SCAPER: variants seen among roughly 807,000 people sequenced by gnomAD.
SCAPER encodes the protein S-phase cyclin A associated protein in the ER, also known as S phase cyclin A-associated protein in the endoplasmic reticulum.
SCAPER carries 98 observed loss-of-function variants against 182.2 expected under a neutral mutation model. That is an observed-to-expected ratio of 0.54 (90% confidence interval 0.46 to 0.64). SCAPER has a LOEUF of 0.64. Ranked by LOEUF, SCAPER falls within the 30% of genes least tolerant of loss-of-function variation. The pLI, the probability that SCAPER is intolerant of heterozygous loss-of-function variation, is 0.00. For synonymous variants in SCAPER, 605 were observed against 564.6 expected, an observed-to-expected ratio of 1.07 and a Z score of -1.01; for missense variants, 1,432 against 1,690.0, an observed-to-expected ratio of 0.85 and a Z score of 2.68.
intron 2 of SCAPER, among the ~76,000 whole-genome samples, chr15:76,880,896 G>T (rs896808409): frequency 6.6e-6 from 1 of 151,878 alleles, no homozygotes; most frequent in Non-Finnish European, 1.5e-5. Flanking sequence ...CAAAAAAACA[G>T]AAAATAAAAA....
chr15:76,690,658 T>G (rs1057430314), intron 20 of SCAPER, among the ~76,000 whole-genome samples: 1 of 152,084 alleles, frequency 6.6e-6, no homozygotes, highest in African/African-American at 2.4e-5. Context: ...CTAAAATTAT[T>G]CTAAAATAAA....
chr15:76,718,103 T>A (rs1192650720), intron 17 of SCAPER, among the ~76,000 whole-genome samples: 1 of 152,088 alleles, frequency 6.6e-6, no homozygotes, highest in Non-Finnish European at 1.5e-5. Context: ...GATATAAAAC[T>A]AGAAATCAAT....
At chr15:76,519,999 A>G (rs1244157689) in intron 23 of SCAPER, among the ~76,000 whole-genome samples, 1 of 152,198 alleles carries the variant, frequency 6.6e-6, no homozygotes, top group African/African-American at 2.4e-5. Context: ...ATTGTACTAC[A>G]GTATAGTTTC....
chr15:76,618,562 A>G (rs896099574), intron 22 of SCAPER, among the ~76,000 whole-genome samples: 1 of 152,136 alleles, frequency 6.6e-6, no homozygotes, highest in African/African-American at 2.4e-5. Flanking sequence ...CATTTATAAA[A>G]GTCTTTTATA....
intron 23 of SCAPER, among the ~76,000 whole-genome samples, chr15:76,566,647 T>G (rs1257155395): frequency 6.6e-6 from 1 of 152,078 alleles, no homozygotes. Flanking sequence ...GGACCAAATT[T>G]AATACAATGG....
intron 16 of SCAPER, among the ~76,000 whole-genome samples, chr15:76,729,795 T>A (rs1306259108): frequency 6.6e-6 from 1 of 152,144 alleles, no homozygotes; most frequent in East Asian, 1.9e-4. Flanking sequence ...ATTATCATCA[T>A]CATCATCATC....
intron 5 of SCAPER, among the ~76,000 whole-genome samples, chr15:76,805,555 C>CTT (rs59845788): frequency 3.5e-5 from 3 of 85,878 alleles, no homozygotes; most frequent in African/African-American, 8.0e-5. Context: ...ATTTGTTTAC[C>CTT]TTTTTTTTTT....
chr15:76,741,736 TC>T (rs2061550860), intron 15 of SCAPER, among the ~76,000 whole-genome samples: 1 of 152,146 alleles, frequency 6.6e-6, no homozygotes, highest in African/African-American at 2.4e-5. Context: ...ATACAAGTTT[TC>T]CAAATCTAGG....
At chr15:76,818,269 GAACTTATAATCTTCACAA>G in intron 5 of SCAPER, among the ~76,000 whole-genome samples, 1 of 152,266 alleles carries the variant, frequency 6.6e-6, no homozygotes, top group East Asian at 1.9e-4. Context: ...TCTAGACACA[GAACTTATAATCTTCACAA>G]AAATTAACTC....
At chr15:76,380,561 T>G (rs1208461093) in intron 28 of SCAPER, 1 of 152,192 alleles carries the variant, frequency 6.6e-6, no homozygotes, top group Non-Finnish European at 1.5e-5. Flanking sequence ...TCTATAACCT[T>G]TTTCCCTCAG....
intron 20 of SCAPER, among the ~76,000 whole-genome samples, chr15:76,668,659 A>G (rs1360055680): frequency 6.6e-6 from 1 of 152,168 alleles, no homozygotes; most frequent in Non-Finnish European, 1.5e-5. Context: ...TTATTTCTTC[A>G]TAGTCATATC....
At chr15:76,353,614 A>G (rs2040756405) in intron 30 of SCAPER, among the ~76,000 whole-genome samples, 1 of 152,260 alleles carries the variant, frequency 6.6e-6, no homozygotes, top group African/African-American at 2.4e-5. Context: ...TCCTATAGTT[A>G]GAATAAAAGC....
At chr15:76,360,422 T>C (rs117033081) in intron 29 of SCAPER, among the ~76,000 whole-genome samples, 7 of 152,340 alleles carry the variant, frequency 4.6e-5, no homozygotes, top group South Asian at 2.1e-4. Flanking sequence ...CAGCTCGTCA[T>C]TGGTAGAGCT....
At chr15:76,513,634 T>C (rs2042211666) in intron 23 of SCAPER, among the ~76,000 whole-genome samples, 1 of 152,174 alleles carries the variant, frequency 6.6e-6, no homozygotes, top group Admixed American at 6.5e-5. Context: ...CCTGTGCCAA[T>C]CACTTGGCAC....
At chr15:76,384,725 G>A (rs1490061627) in intron 27 of SCAPER, among the ~76,000 whole-genome samples, 1 of 152,212 alleles carries the variant, frequency 6.6e-6, no homozygotes, top group African/African-American at 2.4e-5. Flanking sequence ...GGCAAGGGGA[G>A]GGTTTGACTG....
At chr15:76,491,393 A>G (rs971717866) in intron 24 of SCAPER, among the ~76,000 whole-genome samples, 18 of 152,228 alleles carry the variant, frequency 1.2e-4, no homozygotes, top group African/African-American at 4.3e-4. Flanking sequence ...ATTCATTTAT[A>G]GTTATAAATG....
At chr15:76,760,215 AG>A (rs2062693998) in intron 14 of SCAPER, among the ~76,000 whole-genome samples, 1 of 152,206 alleles carries the variant, frequency 6.6e-6, no homozygotes, top group Admixed American at 6.5e-5. Flanking sequence ...GCTAATCACA[AG>A]TCCCAAGTTC....
rs144932009 is a variant in SCAPER, at chr15:76,384,541, A to G, written c.3468-2926T>C. On this transcript the variant is annotated intron_variant, in intron 27 of 31. Coordinates refer to ENST00000563290, the MANE Select transcript of SCAPER (RefSeq NM_020843.4). ...AAACACTCATCTGATGGATTATAAA[A>G]CAATACAGCCCAGTCTTTTGCAAAT... Among the ~76,000 whole-genome samples, 475 of 152,358 alleles carry G rather than the reference A, an allele frequency of 3.1e-3. 5 individuals are homozygous for G. Among genetic ancestry groups the G allele is most frequent in the African/African-American group, 0.011 (454 of 41,586 alleles).
chr15:76,546,706 T>G (rs2045320638), intron 23 of SCAPER, among the ~76,000 whole-genome samples: 3 of 152,044 alleles, frequency 2.0e-5, no homozygotes, highest in African/African-American at 7.2e-5. Flanking sequence ...GTACAGCATT[T>G]CCTTAAGTAT....
Sources: gnomAD v4.1 joint callset for allele counts (sites outside exome capture counted in the v4.1 genomes callset) on GRCh38, gnomAD v4.1.1 for gene constraint, MANE v1.5 for transcripts, NCBI Gene and HGNC (gene_info 2026-07-23, HGNC 2026-07-21) for gene names.